The following PCDH15 variants were observed in gnomAD, a reference collection of about 807,000 sequenced individuals.
PCDH15 encodes protocadherin related 15, also known as protocadherin-15.
Under a neutral mutation model 178.5 loss-of-function variants are expected in PCDH15, and 129 were observed. The observed-to-expected ratio is 0.72, with a 90% CI of 0.63 to 0.84. The LOEUF (loss-of-function observed/expected upper bound fraction) is 0.84, where lower values mean the gene tolerates loss of function less well. Among genes scored for constraint, PCDH15 ranks in the 40% least tolerant of loss-of-function variants. The probability of loss-of-function intolerance (pLI) is 0.00; values close to 1 mark genes in which losing one functional copy is unlikely to be tolerated. For synonymous variants in PCDH15, 800 were observed against 732.0 expected (o/e 1.09, Z -1.50); for missense variants, 2,230 against 2,099.9 (o/e 1.06, Z -1.21).
At chr10:54,378,965 T>G (rs761751523) in intron 3 of PCDH15, 23 bp from the exon 4 acceptor site, 3 of 1,612,626 alleles carry the variant, frequency 1.9e-6, no homozygotes, top group Non-Finnish European at 2.5e-6. Context: ...GAAAGGTACT[T>G]GAAAACATAT....
intron 2 of PCDH15, among the ~76,000 whole-genome samples, chr10:55,412,885 A>T (rs1241366351): frequency 2.3e-5 from 3 of 131,916 alleles, no homozygotes; most frequent in African/African-American, 7.0e-5. Context: ...ATAATCACAC[A>T]CACACACACA....
chr10:55,560,041 T>C (rs1842165674), intron 2 of PCDH15, among the ~76,000 whole-genome samples: 1 of 151,874 alleles, frequency 6.6e-6, no homozygotes, highest in African/African-American at 2.4e-5. Context: ...CATTTAAGAG[T>C]TATATTAAAA....
chr10:53,806,360 T>C lies in PCDH15; in HGVS notation c.*219A>G, dbSNP rs1841155237. 4.1e-6 allele frequency: 2 copies of C among 485,298 alleles called. No individual in the cohort carries two copies. The highest frequency in any genetic ancestry group is 7.4e-5 in the South Asian group (2 of 26,988). 30.1% of individuals were successfully genotyped at this position (485,298 alleles called of 1,614,324 possible). ...AGCTAAATGTTTAAACGATAGGTTA[T>C]TTAGTGAAAGTATGTCCAAAAGGAT... On this transcript the variant is annotated 3_prime_UTR_variant, in exon 38 of 38. Transcript: ENST00000644397.
intron 3 of PCDH15, among the ~76,000 whole-genome samples, chr10:54,493,715 G>C (rs144954864): frequency 0.012 from 1,794 of 152,106 alleles, 34 homozygotes; most frequent in African/African-American, 0.04. Flanking sequence ...AATACCATTT[G>C]ACCCAGCCAT....
intron 1 of PCDH15, among the ~76,000 whole-genome samples, chr10:55,286,775 T>G (rs952546810): frequency 6.6e-6 from 1 of 152,016 alleles, no homozygotes; most frequent in Non-Finnish European, 1.5e-5. Context: ...AAGTCAGGCT[T>G]CTTCCATTTC....
intron 2 of PCDH15, among the ~76,000 whole-genome samples, chr10:55,363,616 C>T (rs993051350): frequency 3.3e-5 from 5 of 152,014 alleles, no homozygotes; most frequent in Non-Finnish European, 4.4e-5. Flanking sequence ...TGATACGTTT[C>T]GGCTTTTCTT....
At chr10:55,495,662 G>A (rs957584987) in intron 2 of PCDH15, among the ~76,000 whole-genome samples, 2 of 151,658 alleles carry the variant, frequency 1.3e-5, no homozygotes, top group African/African-American at 4.8e-5. Flanking sequence ...AAGATTACAG[G>A]TTCTTTAAGA....
intron 2 of PCDH15, among the ~76,000 whole-genome samples, chr10:54,585,195 C>T (rs941787214): frequency 6.6e-6 from 1 of 151,840 alleles, no homozygotes; most frequent in African/African-American, 2.4e-5. Context: ...TTAAATAAAC[C>T]ATCCAGTGCA....
intron 21 of PCDH15, among the ~76,000 whole-genome samples, chr10:53,985,155 T>A (rs1475715881): frequency 1.3e-5 from 2 of 152,158 alleles, no homozygotes; most frequent in African/African-American, 4.8e-5. Context: ...GATTTTGGTG[T>A]TGTTTACTAA....
At chr10:54,436,964 G>A (rs1329235623) in intron 3 of PCDH15, among the ~76,000 whole-genome samples, 3 of 152,060 alleles carry the variant, frequency 2.0e-5, no homozygotes, top group African/African-American at 4.8e-5. Flanking sequence ...ATAGAGAACC[G>A]TTATTAAAAA....
intron 21 of PCDH15, among the ~76,000 whole-genome samples, chr10:53,990,781 G>T (rs1589796121): frequency 1.3e-5 from 2 of 152,050 alleles, no homozygotes; most frequent in African/African-American, 2.4e-5. Context: ...GGCTGGAGAT[G>T]GCTCCCCCTG....
At chr10:53,846,687 T>C (rs1211258956) in intron 28 of PCDH15, among the ~76,000 whole-genome samples, 3 of 152,070 alleles carry the variant, frequency 2.0e-5, no homozygotes, top group South Asian at 2.1e-4. Context: ...GTTACCTGTA[T>C]ATACATCTTC....
At chr10:54,081,914 G>T (rs2094442176) in intron 16 of PCDH15, among the ~76,000 whole-genome samples, 2 of 152,090 alleles carry the variant, frequency 1.3e-5, no homozygotes, top group Admixed American at 1.3e-4. Context: ...ACCTTCAACA[G>T]CAAATTTGAT....
At chr10:55,246,384 A>G (rs953358055) in intron 1 of PCDH15, among the ~76,000 whole-genome samples, 2 of 152,202 alleles carry the variant, frequency 1.3e-5, no homozygotes, top group African/African-American at 2.4e-5. Flanking sequence ...TGTATTAGGC[A>G]AAGTATATGA....
At chr10:53,876,274 G>A (rs369200456) in intron 26 of PCDH15, among the ~76,000 whole-genome samples, 1 of 149,436 alleles carries the variant, frequency 6.7e-6, no homozygotes, top group Non-Finnish European at 1.5e-5. Context: ...TGCAACCTCC[G>A]CCTCACGGGT....
chr10:55,615,782 A>G (rs1843460785), intron 2 of PCDH15, among the ~76,000 whole-genome samples: 1 of 152,164 alleles, frequency 6.6e-6, no homozygotes, highest in Non-Finnish European at 1.5e-5. Flanking sequence ...GGAGACTCAT[A>G]TGAACCTAAG....
intron 2 of PCDH15, among the ~76,000 whole-genome samples, chr10:55,608,676 C>T (rs770857412): frequency 4.2e-4 from 63 of 151,720 alleles, no homozygotes; most frequent in Non-Finnish European, 8.1e-4. Context: ...GTGCTGCAGC[C>T]GAGGAAATGG....
intron 2 of PCDH15, among the ~76,000 whole-genome samples, chr10:55,513,451 T>G (rs928060604): frequency 2.0e-5 from 3 of 152,080 alleles, no homozygotes; most frequent in African/African-American, 7.2e-5. Context: ...GTTAGAATAT[T>G]ACATCATATT....
At chr10:53,930,236 A>T (rs945057276) in intron 25 of PCDH15, among the ~76,000 whole-genome samples, 101 of 152,178 alleles carry the variant, frequency 6.6e-4, no homozygotes, top group Non-Finnish European at 1.8e-4. Context: ...AGGCGGGCAG[A>T]TCACGAGGTC....
Sources: allele counts gnomAD v4.1 joint callset (sites outside exome capture counted in the v4.1 genomes callset), GRCh38; gene constraint gnomAD v4.1.1; transcripts MANE v1.5; gene names NCBI Gene and HGNC (gene_info 2026-07-23, HGNC 2026-07-21).